The following COBL variants were observed in gnomAD, a reference collection of about 807,000 sequenced individuals.
COBL encodes protein cordon-bleu.
COBL carries 51 observed loss-of-function variants against 98.8 expected under a neutral mutation model. The ratio of observed to expected loss-of-function variants is 0.52; its 90% CI spans 0.41 to 0.65. COBL has a LOEUF of 0.65. Among genes scored for constraint, COBL ranks in the 30% least tolerant of loss-of-function variants. The pLI is 0.00. For synonymous variants in COBL, 634 were observed against 651.7 expected, an observed-to-expected ratio of 0.97 and a Z score of 0.41; for missense variants, 1,617 against 1,617.5, an observed-to-expected ratio of 1.00 and a Z score of 0.01.
intron 7 of COBL, chr7:51,064,369 C>G (rs1158247148): frequency 1.3e-5 from 2 of 149,948 alleles, no homozygotes; most frequent in African/African-American, 4.9e-5. Flanking sequence ...AGGTATATAT[C>G]CCCAAGAAAT....
At chr7:51,313,378 G>C (rs1222185680) in intron 1 of COBL, among the ~76,000 whole-genome samples, 1 of 152,148 alleles carries the variant, frequency 6.6e-6, no homozygotes, top group Non-Finnish European at 1.5e-5. Context: ...AGTAGCTCAA[G>C]TTACCCACTT....
At chr7:51,018,685 G>A (rs1000568758) in intron 12 of COBL, among the ~76,000 whole-genome samples, 1 of 151,326 alleles carries the variant, frequency 6.6e-6, no homozygotes, top group Non-Finnish European at 1.5e-5. Context: ...CTGAGGTCGG[G>A]AGTTCGAAAC....
intron 1 of COBL, among the ~76,000 whole-genome samples, chr7:51,306,801 G>C (rs1346029636): frequency 6.6e-6 from 1 of 152,154 alleles, no homozygotes; most frequent in African/African-American, 2.4e-5. Context: ...CCTATACCAG[G>C]AATAAGTCGT....
chr7:51,259,935 G>A, intron 1 of COBL: 1 of 757,280 alleles, frequency 1.3e-6, no homozygotes, highest in East Asian at 2.4e-5. Flanking sequence ...GCAATTCCAA[G>A]GCATGAGGTT....
chr7:51,192,244 G>A (rs1393056807), intron 3 of COBL, among the ~76,000 whole-genome samples: 1 of 152,140 alleles, frequency 6.6e-6, no homozygotes, highest in African/African-American at 2.4e-5. Flanking sequence ...AATTTAGAAG[G>A]TCTGCTAAGA....
At chr7:51,075,801 T>C (rs1793017076) in intron 7 of COBL, among the ~76,000 whole-genome samples, 1 of 152,204 alleles carries the variant, frequency 6.6e-6, no homozygotes, top group Admixed American at 6.5e-5. Context: ...TAGATCTATT[T>C]TGATTCTCAC....
chr7:51,061,171 T>A (rs1014432356), intron 7 of COBL, among the ~76,000 whole-genome samples: 1 of 152,222 alleles, frequency 6.6e-6, no homozygotes. Flanking sequence ...TGACTAGTTT[T>A]AGAAATGAAA....
At chr7:51,193,647 TG>T in intron 2 of COBL, 58 bp from the exon 3 acceptor site, 1 of 1,503,886 alleles carries the variant, frequency 6.6e-7, no homozygotes, top group Non-Finnish European at 9.2e-7. Flanking sequence ...CTCTTTTGCC[TG>T]GCTAAATAAG....
chr7:51,053,847 T>G (rs1331575805), intron 7 of COBL, among the ~76,000 whole-genome samples: 3 of 152,264 alleles, frequency 2.0e-5, no homozygotes, highest in Admixed American at 2.0e-4. Flanking sequence ...ACTGTTCCTC[T>G]GCAATGCAAC....
At chr7:51,256,693 C>G (rs1797233669) in intron 1 of COBL, among the ~76,000 whole-genome samples, 1 of 152,230 alleles carries the variant, frequency 6.6e-6, no homozygotes, top group Non-Finnish European at 1.5e-5. Flanking sequence ...CTACCACCAC[C>G]AGTGAGGAAA....
intron 5 of COBL, among the ~76,000 whole-genome samples, chr7:51,155,191 A>G (rs1241585384): frequency 6.6e-6 from 1 of 152,330 alleles, no homozygotes; most frequent in East Asian, 1.9e-4. Flanking sequence ...AGCCAAACCA[A>G]TTACCAATAT....
chr7:51,204,779 G>A (rs1791509998), intron 2 of COBL, among the ~76,000 whole-genome samples: 1 of 152,004 alleles, frequency 6.6e-6, no homozygotes, highest in South Asian at 2.1e-4. Flanking sequence ...TCGATCTCTT[G>A]ACCTCGTGAT....
At chr7:51,289,980 G>A (rs1029170267) in intron 1 of COBL, among the ~76,000 whole-genome samples, 1 of 152,154 alleles carries the variant, frequency 6.6e-6, no homozygotes, top group Non-Finnish European at 1.5e-5. Context: ...CTGCATGCCA[G>A]CCCTATACGA....
At chr7:51,254,046 C>T (rs1018425883) in intron 1 of COBL, among the ~76,000 whole-genome samples, 3 of 151,142 alleles carry the variant, frequency 2.0e-5, no homozygotes, top group African/African-American at 7.3e-5. Context: ...CATTCCCACA[C>T]ATCCTCATTC....
At chr7:51,234,398 C>T (rs1254033150) in intron 1 of COBL, among the ~76,000 whole-genome samples, 1 of 152,218 alleles carries the variant, frequency 6.6e-6, no homozygotes, top group Non-Finnish European at 1.5e-5. Flanking sequence ...CAAATAACAC[C>T]ACCATCAAGA....
intron 5 of COBL, among the ~76,000 whole-genome samples, chr7:51,169,653 T>C (rs116270409): frequency 0.016 from 2,508 of 152,140 alleles, 41 homozygotes; most frequent in African/African-American, 0.043. Context: ...AAAGTCAAAG[T>C]GACTGAACTC....
chr7:51,264,399 G>T (rs1167993211), intron 1 of COBL, among the ~76,000 whole-genome samples: 4 of 152,168 alleles, frequency 2.6e-5, no homozygotes, highest in African/African-American at 7.2e-5. Flanking sequence ...GGCCAGGCAT[G>T]GTGGCTCACG....
At chr7:51,171,091 T>C (rs1787827444) in intron 5 of COBL, among the ~76,000 whole-genome samples, 2 of 152,116 alleles carry the variant, frequency 1.3e-5, no homozygotes, top group South Asian at 2.1e-4. Flanking sequence ...TAAAGAGCCA[T>C]TGCCACACCC....
chr7:51,225,776 G>A (rs1436480652), intron 1 of COBL, among the ~76,000 whole-genome samples: 1 of 152,146 alleles, frequency 6.6e-6, no homozygotes, highest in African/African-American at 2.4e-5. Context: ...TTTTTATTCT[G>A]AGAGCTCTTC....
Sources: allele counts gnomAD v4.1 joint callset (sites outside exome capture counted in the v4.1 genomes callset), GRCh38; gene constraint gnomAD v4.1.1; transcripts MANE v1.5; gene names NCBI Gene and HGNC (gene_info 2026-07-23, HGNC 2026-07-21).